FER1L5: variants seen among roughly 807,000 people sequenced by gnomAD.
FER1L5 encodes the protein fer-1-like protein 5.
A neutral mutation model predicts 279.9 loss-of-function variants in FER1L5; 187 were observed. That is an observed-to-expected ratio of 0.67 (90% CI 0.59 to 0.75). The LOEUF (loss-of-function observed/expected upper bound fraction) is 0.75. Among genes scored for constraint, FER1L5 ranks in the 30% least tolerant of loss-of-function variants. The pLI is 0.00. For synonymous variants in FER1L5, 921 were observed against 989.7 expected (o/e 0.93, Z 1.30); for missense variants, 2,091 against 2,594.4 (o/e 0.81, Z 4.21).
chr2:96,687,976 G>C lies in FER1L5; in HGVS notation c.2361+29G>C, dbSNP rs1290886045. 7 of 1,549,556 alleles carry C rather than the reference G, an allele frequency of 4.5e-6. No individual in the cohort carries two copies. In the East Asian group the frequency reaches 1.7e-4, roughly 38 times the overall value. Reference sequence around the variant, plus strand: ...AGTGGTGAGCGGCAGCCCAAGGCCAGGGCAGGCACGCGGGGGTGGGGGTAG... The same window carrying C: ...AGTGGTGAGCGGCAGCCCAAGGCCACGGCAGGCACGCGGGGGTGGGGGTAG... On this transcript the variant is annotated intron_variant, in intron 24 of 52. Coordinates refer to ENST00000624922, the MANE Select transcript of FER1L5 (RefSeq NM_001293083.2).
At chr2:96,690,018 G>A (rs2077081408) in intron 26 of FER1L5, among the ~76,000 whole-genome samples, 1 of 152,198 alleles carries the variant, frequency 6.6e-6, no homozygotes, top group Non-Finnish European at 1.5e-5. Flanking sequence ...CAAAGGTGCT[G>A]CTTACCCCGA....
At position 96,659,334 on chromosome 2, in the gene FER1L5, C is replaced by T. The variant is rs377136600; in HGVS notation, c.748-1007C>T. On this transcript the variant is annotated intron_variant, in intron 9 of 52. Coordinates refer to ENST00000624922, the MANE Select transcript of FER1L5 (RefSeq NM_001293083.2). ...CCTTCCTTCCTTCCTTCCTTCCTTC[C>T]TTCCTTCCTTCCTTCCTTCCTTCCT... Among the ~76,000 whole-genome samples the T allele has an allele frequency of 4.5e-4, 36 of 80,106 alleles. 2 individuals carry two copies. In the South Asian group the frequency reaches 5.1e-3, roughly 11 times the overall value. 52.6% of individuals were successfully genotyped at this position (80,106 alleles called of 152,430 possible).
At chr2:96,659,382 TTTC>T (rs2075798306) in intron 9 of FER1L5, among the ~76,000 whole-genome samples, 3 of 12,796 alleles carry the variant, frequency 2.3e-4, no homozygotes, top group African/African-American at 1.5e-3. Flanking sequence ...TCTTTCTTTC[TTTC>T]TTTCTTTCTT....
intron 10 of FER1L5, among the ~76,000 whole-genome samples, chr2:96,660,921 G>A (rs1427134678): frequency 6.6e-6 from 1 of 152,202 alleles, no homozygotes; most frequent in East Asian, 1.9e-4. Context: ...TCAAGTGCTA[G>A]CCTTATATTA....
At chr2:96,650,132 C>G in intron 5 of FER1L5, 48 bp from the exon 6 acceptor site, 1 of 1,438,560 alleles carries the variant, frequency 7.0e-7, no homozygotes, top group Non-Finnish European at 9.6e-7. Flanking sequence ...TACCTCAAAC[C>G]TCCTGGGCCC....
In FER1L5 at chr2:96,663,432, A is replaced by G. The variant is rs1180883812; in HGVS notation, c.1072-7A>G. 4 of 1,551,622 alleles carry G rather than the reference A, an allele frequency of 2.6e-6. No homozygotes were observed. The highest frequency in any genetic ancestry group is 2.4e-5 in the East Asian group (1 of 40,906). On this transcript the variant is annotated splice_region_variant and splice_polypyrimidine_tract_variant and intron_variant, in intron 13 of 52. Transcript: ENST00000624922. ...GCTGGCACCAACACTGCTTTGGGAC[A>G]TTCCAGCTCAGGACACACATGCAGA...
chr2:96,678,326 C>T (rs1350899229), intron 19 of FER1L5, among the ~76,000 whole-genome samples: 1 of 152,078 alleles, frequency 6.6e-6, no homozygotes, highest in Non-Finnish European at 1.5e-5. Flanking sequence ...GACAGGGTTT[C>T]ACCATGTTGC....
chr2:96,645,829 GAAAC>G (rs567531283), intron 1 of FER1L5, among the ~76,000 whole-genome samples: 91 of 151,882 alleles, frequency 6.0e-4, no homozygotes, highest in Non-Finnish European at 1.1e-3. Flanking sequence ...AATAAAAAGA[GAAAC>G]AAAGAAAGAA....
intron 19 of FER1L5, among the ~76,000 whole-genome samples, chr2:96,682,674 A>C (rs955040016): frequency 6.6e-6 from 1 of 152,172 alleles, no homozygotes; most frequent in Non-Finnish European, 1.5e-5. Flanking sequence ...AGCAGGGACC[A>C]CTTTATTTTT....
chr2:96,699,997 G>A lies in FER1L5; in HGVS notation c.4847G>A (p.Arg1616Gln), dbSNP rs780746748. Residue 1616 changes from arginine (R) to glutamine (Q), a missense_variant, in exon 44 of 53, where the codon CGG becomes CAG. Physicochemically the swap from Arg to Gln is conservative, Grantham distance 43 (BLOSUM62 1). Coordinates refer to ENST00000624922, the MANE Select transcript of FER1L5 (RefSeq NM_001293083.2). The stretch of plus-strand genomic sequence containing the variant: ...TACCTCCTAGAACGCTATGCCAAGC[G>A]GAAAGGGCTACCTCCGCCTCTGTTC... The part of the protein sequence containing the change: ...PSYLLERYAK[R>Q]KGLPPPLFSP... 42 of 1,613,992 alleles carry A rather than the reference G, an allele frequency of 2.6e-5. No homozygotes were observed. In the South Asian group the frequency reaches 2.9e-4, roughly 11 times the overall value.
Position 96,702,723 on chromosome 2 carries a change from G to C in FER1L5, c.5379G>C (p.Thr1793=), listed in dbSNP as rs770079760. The C allele has an allele frequency of 1.2e-6, 2 of 1,613,064 alleles. No individual in the cohort carries two copies. Among genetic ancestry groups the C allele is most frequent in the South Asian group, 1.1e-5 (1 of 90,886 alleles). ...FTMDYLAAER[T]CVQSQKDYIW... ...TGGACTACCTGGCGGCGGAGCGCAC[G>C]TGTGTCCAGAGCCAGAAGGTAACAG... Residue 1793 remains threonine (T), a synonymous_variant, in exon 48 of 53, where the codon ACG becomes ACC. Transcript: ENST00000624922. This position sits in a 1 kb window ranked among gnomAD's most constrained non-coding sequence, Gnocchi z 4.0.
Position 96,704,474 on chromosome 2 carries a change from T to C in FER1L5, c.5956T>C (p.Leu1986=). 3 of 1,613,950 alleles carry C rather than the reference T, an allele frequency of 1.9e-6. No individual in the cohort carries two copies. The highest frequency in any genetic ancestry group is 2.5e-6 in the Non-Finnish European group (3 of 1,179,890). ...TGTTGTCTGTTCTCTCTAGCACTAT[T>C]TGGCCATGAGCTGGATCAAACCTCA... The part of the protein sequence containing the change: ...FNFIYSAPHY[L]AMSWIKPQLQ... The change falls in exon 53 of 53, where the codon TTG becomes CTG. Residue 1986 remains leucine, a synonymous_variant. Transcript: ENST00000624922.
chr2:96,661,576 G>A, intron 11 of FER1L5, 92 bp from the exon 12 acceptor site: 1 of 1,533,896 alleles, frequency 6.5e-7, no homozygotes, highest in Non-Finnish European at 8.8e-7. Context: ...CATCCCCCCT[G>A]CACCAAGTGG....
intron 20 of FER1L5, 63 bp downstream of exon 20, chr2:96,684,514 G>A: frequency 1.3e-6 from 2 of 1,519,676 alleles, no homozygotes; most frequent in South Asian, 1.2e-5. Context: ...GGGAGACTTG[G>A]GAAACTGCAT....
Position 96,686,311 on chromosome 2 carries a change from C to A in FER1L5, c.2190C>A (p.Ser730=). 1 of 1,551,522 alleles carries A rather than the reference C, an allele frequency of 6.4e-7. No individual in the cohort carries two copies. Among genetic ancestry groups the A allele is most frequent in the Non-Finnish European group, 8.7e-7 (1 of 1,146,962 alleles). The change falls in exon 23 of 53, where the codon TCC becomes TCA. Residue 730 remains serine (S), a synonymous_variant. Coordinates refer to ENST00000624922, the MANE Select transcript of FER1L5 (RefSeq NM_001293083.2). The stretch of plus-strand genomic sequence containing the variant: ...TCTCCCCGGCAGGGGCTCTGCACTC[C>A]GGCAGGCTCTGTGGGAAGATACAGA... ...VLFSPAGALH[S]GRLCGKIQTL... is the part of the protein sequence containing the mutation.
intron 1 of FER1L5, among the ~76,000 whole-genome samples, chr2:96,646,005 TTTTTTTTTTTTG>T (rs940381625): frequency 1.4e-5 from 2 of 143,162 alleles, no homozygotes; most frequent in African/African-American, 5.2e-5. Flanking sequence ...TCTTTTTTTT[TTTTTTTTTTTTG>T]TGACAGAGTC....
In FER1L5 at chr2:96,704,353, T is replaced by C; in HGVS notation, c.5940T>C (p.Tyr1980=). 6.2e-7 allele frequency: 1 copy of C among 1,613,962 alleles called. No individual in the cohort carries two copies. The highest frequency in any genetic ancestry group is 1.1e-5 in the South Asian group (1 of 91,066). The change falls in exon 52 of 53, where the codon TAT becomes TAC. Residue 1980 remains tyrosine (Y), a synonymous_variant. Coordinates refer to ENST00000624922, the MANE Select transcript of FER1L5 (RefSeq NM_001293083.2). The part of the protein sequence containing the change: ...IIALMLFNFI[Y]SAPHYLAMSW... ...CACTTATGCTGTTTAACTTCATCTA[T>C]TCAGCTCCGGTGAGTGGCAGCCATG...
At chr2:96,657,051 T>G (rs1400233869) in intron 9 of FER1L5, among the ~76,000 whole-genome samples, 3 of 146,694 alleles carry the variant, frequency 2.0e-5, no homozygotes, top group African/African-American at 7.4e-5. Context: ...GTTTTTTTAT[T>G]TTTATTTTTT....
At chr2:96,703,744 TC>T (rs2077676103) in intron 51 of FER1L5, 112 bp downstream of exon 51, 2 of 898,122 alleles carry the variant, frequency 2.2e-6, no homozygotes, top group Non-Finnish European at 3.6e-6. Flanking sequence ...ACCCCACAGC[TC>T]TGTGCTCAGT....
Sources: gnomAD v4.1 joint callset for allele counts (sites outside exome capture counted in the v4.1 genomes callset) on GRCh38, gnomAD v4.1.1 for gene constraint, Gnocchi (gnomAD v3.1) non-coding constraint, MANE v1.5 for transcripts, NCBI Gene and HGNC (gene_info 2026-07-23, HGNC 2026-07-21) for gene names.